CTIF: variants seen among roughly 807,000 people sequenced by gnomAD.
CTIF encodes the protein CBP80/20-dependent translation initiation factor.
In CTIF, 21 loss-of-function variants were observed where a neutral mutation model predicts 66.0. The ratio of observed to expected loss-of-function variants is 0.32; its 90% CI spans 0.23 to 0.46. The LOEUF (loss-of-function observed/expected upper bound fraction) is 0.46, where lower values mean the gene tolerates loss of function less well. Among genes scored for constraint, CTIF ranks in the 20% least tolerant of loss-of-function variants. CTIF has a pLI of 1.00. For missense variants in CTIF, 739 were observed against 812.7 expected (o/e 0.91, Z 1.10); for synonymous variants, 345 against 326.4 (o/e 1.06, Z -0.62).
chr18:48,636,413 G>T (rs763655434), intron 2 of CTIF, among the ~76,000 whole-genome samples: 8 of 152,244 alleles, frequency 5.3e-5, no homozygotes, highest in Non-Finnish European at 7.3e-5. Context: ...CCCCCAAGCG[G>T]ACACCAAAGC....
intron 10 of CTIF, among the ~76,000 whole-genome samples, chr18:48,852,630 G>T (rs1339810098): frequency 6.6e-6 from 1 of 152,198 alleles, no homozygotes; most frequent in East Asian, 1.9e-4. Context: ...GCGGGAGAGG[G>T]GTCACTGCCC....
At chr18:48,631,292 T>G (rs1380146048) in intron 2 of CTIF, among the ~76,000 whole-genome samples, 1 of 152,190 alleles carries the variant, frequency 6.6e-6, no homozygotes, top group Admixed American at 6.5e-5. Context: ...GGTGAAACCC[T>G]GTCTCTACTA....
intron 2 of CTIF, among the ~76,000 whole-genome samples, chr18:48,632,140 GAGGGCCTTT>G: frequency 6.6e-6 from 1 of 152,316 alleles, no homozygotes; most frequent in South Asian, 2.1e-4. Context: ...AGGGCTACCA[GAGGGCCTTT>G]AGGGCCAGGG....
chr18:48,854,862 A>G (rs1489635959), intron 10 of CTIF, among the ~76,000 whole-genome samples: 2 of 152,252 alleles, frequency 1.3e-5, no homozygotes, highest in African/African-American at 4.8e-5. Flanking sequence ...GTTTGAGGTT[A>G]CAGTGAGCTG....
chr18:48,694,911 A>G (rs1455196646), intron 6 of CTIF, among the ~76,000 whole-genome samples: 1 of 152,236 alleles, frequency 6.6e-6, no homozygotes, highest in Non-Finnish European at 1.5e-5. Context: ...TCTGCATGCA[A>G]GCAGCTTTTT....
At chr18:48,718,290 A>G (rs1392505730) in intron 7 of CTIF, among the ~76,000 whole-genome samples, 1 of 152,190 alleles carries the variant, frequency 6.6e-6, no homozygotes, top group Non-Finnish European at 1.5e-5. Flanking sequence ...CTTTTGTTGC[A>G]TTATTCAGAG....
intron 10 of CTIF, among the ~76,000 whole-genome samples, chr18:48,837,665 C>T (rs1185813238): frequency 2.0e-5 from 3 of 152,230 alleles, no homozygotes; most frequent in East Asian, 1.9e-4. Context: ...GCACCAGAAA[C>T]ACCCAGAGAT....
At chr18:48,858,852 C>T (rs2069389370) in intron 11 of CTIF, among the ~76,000 whole-genome samples, 2 of 152,124 alleles carry the variant, frequency 1.3e-5, no homozygotes, top group African/African-American at 2.4e-5. Flanking sequence ...AAAAGGAGAG[C>T]GAGAGAAACA....
chr18:48,737,840 A>G (rs1254473794), intron 7 of CTIF, among the ~76,000 whole-genome samples: 1 of 152,246 alleles, frequency 6.6e-6, no homozygotes, highest in Non-Finnish European at 1.5e-5. Flanking sequence ...ACCATGTTAA[A>G]TGTTTCACAT....
chr18:48,842,283 G>A (rs1227664771), intron 10 of CTIF, among the ~76,000 whole-genome samples: 1 of 152,106 alleles, frequency 6.6e-6, no homozygotes, highest in African/African-American at 2.4e-5. Flanking sequence ...AGGGTGGTGG[G>A]GCCTGAGTGT....
At chr18:48,735,064 A>G (rs1332025058) in intron 7 of CTIF, among the ~76,000 whole-genome samples, 1 of 151,726 alleles carries the variant, frequency 6.6e-6, no homozygotes, top group Non-Finnish European at 1.5e-5. Context: ...TTATGTGCCT[A>G]TGCATATGTG....
intron 7 of CTIF, among the ~76,000 whole-genome samples, chr18:48,716,968 C>T (rs1012617767): frequency 2.0e-5 from 3 of 152,204 alleles, no homozygotes; most frequent in Non-Finnish European, 2.9e-5. Context: ...GGCAGGGGAG[C>T]GAGCCATCCA....
intron 2 of CTIF, among the ~76,000 whole-genome samples, chr18:48,635,003 T>A (rs2090787266): frequency 6.6e-6 from 1 of 152,230 alleles, no homozygotes; most frequent in African/African-American, 2.4e-5. Context: ...TAATTTTACC[T>A]GTTTCTTTTA....
At chr18:48,791,688 A>G (rs896237879) in intron 9 of CTIF, among the ~76,000 whole-genome samples, 22 of 152,186 alleles carry the variant, frequency 1.4e-4, no homozygotes, top group Admixed American at 1.3e-3. Flanking sequence ...CGTAGCTTTT[A>G]TCACCTTCCT....
intron 10 of CTIF, among the ~76,000 whole-genome samples, chr18:48,834,522 G>A (rs2068767494): frequency 6.6e-6 from 1 of 152,202 alleles, no homozygotes; most frequent in Non-Finnish European, 1.5e-5. Context: ...TCCTCCAGAT[G>A]GTTTCAATGC....
At chr18:48,807,053 A>AG (rs1318458231) in intron 9 of CTIF, among the ~76,000 whole-genome samples, 1 of 152,162 alleles carries the variant, frequency 6.6e-6, no homozygotes, top group African/African-American at 2.4e-5. Flanking sequence ...GGCTGAGGTT[A>AG]GGGGCAGAGC....
At chr18:48,738,446 A>G (rs2092523265) in intron 7 of CTIF, among the ~76,000 whole-genome samples, 2 of 151,896 alleles carry the variant, frequency 1.3e-5, no homozygotes, top group Middle Eastern at 3.2e-3. Flanking sequence ...TGACCTCACC[A>G]TCTGCCCTCC....
intron 7 of CTIF, among the ~76,000 whole-genome samples, chr18:48,755,104 T>C (rs1908223480): frequency 6.6e-6 from 1 of 152,196 alleles, no homozygotes; most frequent in African/African-American, 2.4e-5. Context: ...GGGACATTTC[T>C]TGGGCCATAG....
At chr18:48,619,106 G>C (rs1376531455) in intron 1 of CTIF, among the ~76,000 whole-genome samples, 1 of 152,238 alleles carries the variant, frequency 6.6e-6, no homozygotes, top group East Asian at 1.9e-4. Flanking sequence ...AGAGGTTTGT[G>C]TCTCGGGCCC....
Sources: allele counts gnomAD v4.1 joint callset (sites outside exome capture counted in the v4.1 genomes callset), GRCh38; gene constraint gnomAD v4.1.1; transcripts MANE v1.5; gene names NCBI Gene and HGNC (gene_info 2026-07-23, HGNC 2026-07-21).